Variants in NEK11 observed in about 807,000 individuals in gnomAD.
The protein encoded by NEK11 is NIMA related kinase 11, also known as serine/threonine-protein kinase Nek11.
A neutral mutation model predicts 80.7 loss-of-function variants in NEK11; 72 were observed. The ratio of observed to expected loss-of-function variants is 0.89; its 90% CI spans 0.74 to 1.08. The LOEUF (loss-of-function observed/expected upper bound fraction) is 1.08, where lower values mean the gene tolerates loss of function less well. Ranked by LOEUF, NEK11 falls within the 50% of genes least tolerant of loss-of-function variation. NEK11 has a pLI of 0.00. For missense variants in NEK11, 764 were observed against 763.6 expected (o/e 1.00, Z -0.01); for synonymous variants, 251 against 260.7 (o/e 0.96, Z 0.36).
At chr3:131,156,115 A>G (rs1036078570) in intron 10 of NEK11, among the ~76,000 whole-genome samples, 1 of 152,232 alleles carries the variant, frequency 6.6e-6, no homozygotes, top group African/African-American at 2.4e-5. Flanking sequence ...ACTGTTTACA[A>G]TTAACAGTGT....
intron 5 of NEK11, among the ~76,000 whole-genome samples, chr3:131,125,046 T>C (rs1331749345): frequency 6.6e-6 from 1 of 152,206 alleles, no homozygotes; most frequent in Non-Finnish European, 1.5e-5. Flanking sequence ...CTAGTTTTGC[T>C]CTTCTCTTTT....
At chr3:131,087,468 TCCTGA>T (rs1176954746) in intron 4 of NEK11, among the ~76,000 whole-genome samples, 1 of 152,044 alleles carries the variant, frequency 6.6e-6, no homozygotes, top group Non-Finnish European at 1.5e-5. Flanking sequence ...GTTCTCCATC[TCCTGA>T]CCTTGTGATC....
At chr3:131,241,391 A>T (rs1221542544) in intron 15 of NEK11, among the ~76,000 whole-genome samples, 1 of 152,162 alleles carries the variant, frequency 6.6e-6, no homozygotes. Context: ...GGATAAATAC[A>T]TATGATATGC....
intron 16 of NEK11, among the ~76,000 whole-genome samples, chr3:131,249,393 G>A (rs959134789): frequency 1.3e-5 from 2 of 152,132 alleles, no homozygotes; most frequent in Admixed American, 6.6e-5. Context: ...GATTAAAATG[G>A]GAAGATTGGT....
In NEK11 at chr3:131,080,459, T is replaced by C; in HGVS notation, c.207T>C (p.Asn69=). ...VLKEISVGEL[N]PNETVQANLE... ...AGGAAATATCTGTTGGAGAACTAAA[T>C]CCAAATGAAACTGTACAGGCCAATT... Residue 69 remains asparagine, a synonymous_variant, in exon 4 of 18, where the codon AAT becomes AAC. Coordinates refer to ENST00000383366, the MANE Select transcript of NEK11 (RefSeq NM_024800.5). 1 of 1,611,950 alleles carries C rather than the reference T, an allele frequency of 6.2e-7. No individual in the cohort carries two copies. Among genetic ancestry groups the C allele is most frequent in the Non-Finnish European group, 8.5e-7 (1 of 1,179,486 alleles).
intron 17 of NEK11, among the ~76,000 whole-genome samples, chr3:131,337,942 A>T (rs924963619): frequency 2.0e-5 from 3 of 151,848 alleles, no homozygotes; most frequent in Non-Finnish European, 2.9e-5. Flanking sequence ...CTTGGCATAA[A>T]TTTTTTTTCT....
intron 3 of NEK11, among the ~76,000 whole-genome samples, chr3:131,065,480 G>C (rs1020294854): frequency 3.3e-5 from 5 of 152,062 alleles, no homozygotes; most frequent in African/African-American, 9.7e-5. Context: ...TGAACACCAG[G>C]GGTATGATGG....
chr3:131,075,068 A>G (rs2074113990), intron 3 of NEK11, among the ~76,000 whole-genome samples: 1 of 152,172 alleles, frequency 6.6e-6, no homozygotes. Context: ...TGCCATGGGC[A>G]CCTACAGTTT....
At chr3:131,181,549 A>G (rs992529363) in intron 14 of NEK11, among the ~76,000 whole-genome samples, 2 of 152,112 alleles carry the variant, frequency 1.3e-5, no homozygotes, top group Non-Finnish European at 2.9e-5. Flanking sequence ...GATGGAGACC[A>G]TCCTGGCTAA....
chr3:131,074,445 C>G (rs1286385197), intron 3 of NEK11, among the ~76,000 whole-genome samples: 2 of 151,996 alleles, frequency 1.3e-5, no homozygotes, highest in Non-Finnish European at 2.9e-5. Context: ...TTCCACATTC[C>G]ATAATGTATA....
At chr3:131,255,122 AAGAAAGAG>A (rs1462756091) in intron 16 of NEK11, among the ~76,000 whole-genome samples, 18 of 144,568 alleles carry the variant, frequency 1.2e-4, no homozygotes, top group South Asian at 6.8e-4. Flanking sequence ...GAAAGAAAGA[AAGAAAGAG>A]AGAAAGAACA....
At chr3:131,325,922 G>A (rs575214580) in intron 17 of NEK11, 1 of 152,308 alleles carries the variant, frequency 6.6e-6, no homozygotes, top group East Asian at 1.9e-4. Context: ...ATTGATAAAT[G>A]AGCAGTTTAC....
intron 12 of NEK11, among the ~76,000 whole-genome samples, chr3:131,167,206 C>T (rs1041693675): frequency 1.3e-5 from 2 of 152,262 alleles, no homozygotes; most frequent in African/African-American, 4.8e-5. Flanking sequence ...AGTACTTCAC[C>T]TCAGATGAGG....
chr3:131,182,174 T>C (rs569741173), intron 14 of NEK11, among the ~76,000 whole-genome samples: 169 of 151,444 alleles, frequency 1.1e-3, no homozygotes, highest in African/African-American at 3.9e-3. Flanking sequence ...AAGAACTTTC[T>C]GGCAAGTAAC....
At chr3:131,044,452 G>A (rs553711455) in intron 3 of NEK11, among the ~76,000 whole-genome samples, 20 of 149,402 alleles carry the variant, frequency 1.3e-4, no homozygotes, top group Non-Finnish European at 2.5e-4. Context: ...AAGGTGGGGG[G>A]GGGGGTTGGA....
intron 5 of NEK11, among the ~76,000 whole-genome samples, chr3:131,130,121 T>A (rs1312413403): frequency 6.6e-6 from 1 of 152,212 alleles, no homozygotes; most frequent in African/African-American, 2.4e-5. Flanking sequence ...ATTACAGTTG[T>A]GTAGCTTTCC....
chr3:131,158,303 C>G (rs2091033482), intron 10 of NEK11, among the ~76,000 whole-genome samples: 1 of 152,160 alleles, frequency 6.6e-6, no homozygotes, highest in African/African-American at 2.4e-5. Flanking sequence ...CCCCATGTTG[C>G]TTTTCTGGCA....
At chr3:131,150,640 G>C (rs1324692686) in intron 7 of NEK11, among the ~76,000 whole-genome samples, 1 of 151,800 alleles carries the variant, frequency 6.6e-6, no homozygotes, top group Admixed American at 6.6e-5. Flanking sequence ...TGATAATTTA[G>C]TTTTTTAATT....
At chr3:131,214,830 TA>T (rs2094765718) in intron 14 of NEK11, among the ~76,000 whole-genome samples, 1 of 152,032 alleles carries the variant, frequency 6.6e-6, no homozygotes, top group Admixed American at 6.6e-5. Flanking sequence ...AACAGTACTG[TA>T]CTGTACTTAA....
Sources: gnomAD v4.1 joint callset for allele counts (sites outside exome capture counted in the v4.1 genomes callset) on GRCh38, gnomAD v4.1.1 for gene constraint, MANE v1.5 for transcripts, NCBI Gene and HGNC (gene_info 2026-07-23, HGNC 2026-07-21) for gene names.